Variants in SLC25A21 observed in about 807,000 individuals in gnomAD.
The protein encoded by SLC25A21 is mitochondrial 2-oxodicarboxylate carrier.
Under a neutral mutation model 43.8 loss-of-function variants are expected in SLC25A21, and 47 were observed. The observed-to-expected ratio is 1.07, with a 90% CI of 0.85 to 1.37. The LOEUF is 1.37. Ranked by LOEUF, SLC25A21 falls within the 40% of genes most tolerant of loss-of-function variation. SLC25A21 has a pLI of 0.00. For synonymous variants in SLC25A21, 131 were observed against 121.3 expected, an observed-to-expected ratio of 1.08 and a Z score of -0.52; for missense variants, 352 against 350.2, an observed-to-expected ratio of 1.00 and a Z score of -0.04.
rs573536851 is a variant in SLC25A21 at position 36,825,319 on chromosome 14, T to A, written c.120-11318A>T. Among the ~76,000 whole-genome samples, 3 of 152,350 alleles carry A rather than the reference T, an allele frequency of 2.0e-5. No individual in the cohort carries two copies. In the South Asian group the frequency reaches 6.2e-4, roughly 32 times the overall value. ...GCCTTTAATAATAAACATTCCATTA[T>A]GTCATGAACGCATACTCAAAAGAGA... On this transcript the variant is annotated intron_variant, in intron 2 of 9. Transcript: ENST00000331299.
intron 1 of SLC25A21, among the ~76,000 whole-genome samples, chr14:36,987,852 T>C (rs1188977494): frequency 6.6e-6 from 1 of 152,230 alleles, no homozygotes; most frequent in Non-Finnish European, 1.5e-5. Flanking sequence ...ATGCTACCTG[T>C]AGCTGGGTTT....
intron 3 of SLC25A21, among the ~76,000 whole-genome samples, chr14:36,790,325 A>C (rs1887438854): frequency 6.6e-6 from 1 of 152,072 alleles, no homozygotes; most frequent in Non-Finnish European, 1.5e-5. Flanking sequence ...CTAATTTTTG[A>C]GAGGTGGTGC....
At chr14:36,997,153 TC>T (rs1418062634) in intron 1 of SLC25A21, among the ~76,000 whole-genome samples, 3 of 151,958 alleles carry the variant, frequency 2.0e-5, no homozygotes, top group East Asian at 1.9e-4. Context: ...AATGAGGGAT[TC>T]CCCCCGTCAA....
At chr14:37,154,775 T>A (rs1963819290) in intron 1 of SLC25A21, among the ~76,000 whole-genome samples, 1 of 151,776 alleles carries the variant, frequency 6.6e-6, no homozygotes, top group Non-Finnish European at 1.5e-5. Context: ...CCCGAGTAGC[T>A]AGGATTACAG....
At chr14:36,777,082 AC>A (rs1886863657) in intron 3 of SLC25A21, among the ~76,000 whole-genome samples, 1 of 152,076 alleles carries the variant, frequency 6.6e-6, no homozygotes, top group South Asian at 2.1e-4. Flanking sequence ...ACATGGTGAA[AC>A]CCCGTCTCTA....
chr14:36,946,030 G>A lies in SLC25A21; in HGVS notation c.71-71026C>T, dbSNP rs577807964. ...TAGCCCTATGATGTACCTATTATGT[G>A]AATGCTTCCGTTAGCACAAGAAAAA... On this transcript the variant is annotated intron_variant, in intron 1 of 9. Coordinates refer to ENST00000331299, the MANE Select transcript of SLC25A21 (RefSeq NM_030631.4). Among the ~76,000 whole-genome samples, 55 of 152,272 alleles carry A rather than the reference G, an allele frequency of 3.6e-4. 1 individual carries two copies. Among genetic ancestry groups the A allele is most frequent in the African/African-American group, 1.3e-3 (54 of 41,546 alleles).
At chr14:36,888,780 AG>A (rs1298441100) in intron 1 of SLC25A21, among the ~76,000 whole-genome samples, 1 of 152,200 alleles carries the variant, frequency 6.6e-6, no homozygotes, top group Non-Finnish European at 1.5e-5. Flanking sequence ...TGTAGGTCAC[AG>A]GTAGCCAGGT....
intron 2 of SLC25A21, among the ~76,000 whole-genome samples, chr14:36,837,935 T>C (rs1235634025): frequency 1.3e-5 from 2 of 152,152 alleles, no homozygotes; most frequent in African/African-American, 2.4e-5. Flanking sequence ...GAAGATGGAC[T>C]CCACACTTAA....
intron 1 of SLC25A21, among the ~76,000 whole-genome samples, chr14:37,003,447 A>G (rs1407491614): frequency 1.3e-5 from 2 of 152,236 alleles, no homozygotes; most frequent in Non-Finnish European, 2.9e-5. Flanking sequence ...AACTATGGAA[A>G]GCAAAACTGC....
chr14:36,848,570 G>C (rs1379097695), intron 2 of SLC25A21, among the ~76,000 whole-genome samples: 1 of 152,144 alleles, frequency 6.6e-6, no homozygotes, highest in African/African-American at 2.4e-5. Context: ...ATGGAGTTTG[G>C]CCCAGAGCAG....
intron 7 of SLC25A21, among the ~76,000 whole-genome samples, chr14:36,709,135 G>C (rs1883718426): frequency 6.6e-6 from 1 of 152,104 alleles, no homozygotes; most frequent in Non-Finnish European, 1.5e-5. Context: ...AGCCTCCCGA[G>C]TAGCTGGGAT....
intron 1 of SLC25A21, among the ~76,000 whole-genome samples, chr14:36,951,596 T>A (rs1330416179): frequency 6.8e-6 from 1 of 147,008 alleles, no homozygotes; most frequent in African/African-American, 2.7e-5. Context: ...GGTATGCATT[T>A]TTTTTTTGCA....
chr14:37,117,362 G>T (rs893099945), intron 1 of SLC25A21, among the ~76,000 whole-genome samples: 1 of 152,140 alleles, frequency 6.6e-6, no homozygotes, highest in African/African-American at 2.4e-5. Context: ...ACCATAAGAT[G>T]TGGCTCAGTA....
At chr14:37,085,798 T>G (rs1017467671) in intron 1 of SLC25A21, among the ~76,000 whole-genome samples, 4 of 152,164 alleles carry the variant, frequency 2.6e-5, no homozygotes, top group African/African-American at 9.7e-5. Flanking sequence ...TTAAGTAGAC[T>G]TCAAAACACT....
chr14:36,925,531 C>A (rs1251749825), intron 1 of SLC25A21, among the ~76,000 whole-genome samples: 2 of 151,928 alleles, frequency 1.3e-5, no homozygotes, highest in Non-Finnish European at 2.9e-5. Context: ...GTACAAGAAC[C>A]CCAAATGTGT....
chr14:36,918,684 C>A (rs1441064907), intron 1 of SLC25A21, among the ~76,000 whole-genome samples: 1 of 152,040 alleles, frequency 6.6e-6, no homozygotes, highest in Non-Finnish European at 1.5e-5. Context: ...AAACAAATTT[C>A]ATACTTTCTC....
intron 1 of SLC25A21, among the ~76,000 whole-genome samples, chr14:37,096,443 G>C (rs1240640472): frequency 6.6e-6 from 1 of 152,030 alleles, no homozygotes; most frequent in African/African-American, 2.4e-5. Context: ...TTATTTCTTT[G>C]AATAAACTGT....
At chr14:36,699,041 T>TC (rs1211968504) in intron 7 of SLC25A21, among the ~76,000 whole-genome samples, 1 of 152,148 alleles carries the variant, frequency 6.6e-6, no homozygotes, top group Non-Finnish European at 1.5e-5. Flanking sequence ...ATCTGGTTTC[T>TC]CCCCATCTTT....
chr14:36,988,094 C>T (rs1169677151), intron 1 of SLC25A21, among the ~76,000 whole-genome samples: 3 of 152,206 alleles, frequency 2.0e-5, no homozygotes, highest in Admixed American at 2.0e-4. Context: ...TGTGGCAACA[C>T]GGCCTTGTGG....
Sources: gnomAD v4.1 joint callset for allele counts (sites outside exome capture counted in the v4.1 genomes callset) on GRCh38, gnomAD v4.1.1 for gene constraint, MANE v1.5 for transcripts, NCBI Gene and HGNC (gene_info 2026-07-23, HGNC 2026-07-21) for gene names.